Variants in CD163 observed in about 807,000 individuals in gnomAD.
CD163 encodes CD163 molecule, also known as scavenger receptor cysteine-rich type 1 protein M130.
CD163 carries 64 observed loss-of-function variants against 129.2 expected under a neutral mutation model. The observed-to-expected ratio is 0.50, with a 90% CI of 0.41 to 0.61. The LOEUF (loss-of-function observed/expected upper bound fraction) is 0.61. CD163 is among the 20% of genes least tolerant of loss of function. The probability of loss-of-function intolerance (pLI) is 0.00; values close to 1 mark genes in which losing one functional copy is unlikely to be tolerated. For synonymous variants in CD163, 446 were observed against 478.5 expected (o/e 0.93, Z 0.89); for missense variants, 1,061 against 1,377.9 (o/e 0.77, Z 3.64).
intron 3 of CD163, among the ~76,000 whole-genome samples, chr12:7,500,880 C>T (rs1949474961): frequency 6.6e-6 from 1 of 152,072 alleles, no homozygotes; most frequent in Non-Finnish European, 1.5e-5. Flanking sequence ...CAAATTTAAA[C>T]CACCACTTCT....
chr12:7,480,924 C>A (rs1949153630), intron 15 of CD163: 8 of 1,169,412 alleles, frequency 6.8e-6, no homozygotes, highest in Non-Finnish European at 8.5e-6. Flanking sequence ...CTGCATGGTT[C>A]TTTCCATACC....
chr12:7,495,485 G>T (rs1949388175), intron 5 of CD163, 84 bp from the exon 6 acceptor site: 1 of 1,019,678 alleles, frequency 9.8e-7, no homozygotes. Context: ...TTTCTTCTCT[G>T]ATACTGATGC....
At chr12:7,500,899 T>G (rs1949475253) in intron 3 of CD163, among the ~76,000 whole-genome samples, 1 of 152,148 alleles carries the variant, frequency 6.6e-6, no homozygotes, top group African/African-American at 2.4e-5. Context: ...CTTGGCTTTT[T>G]GGCTAAGATC....
intron 12 of CD163, 82 bp downstream of exon 12, chr12:7,483,285 G>A (rs190006448): frequency 2.6e-5 from 34 of 1,316,562 alleles, no homozygotes; most frequent in South Asian, 1.4e-4. Flanking sequence ...TGATAAATCC[G>A]GTTTTTACAC....
At chr12:7,480,641 G>A in intron 15 of CD163, 1 of 155,266 alleles carries the variant, frequency 6.4e-6, no homozygotes. Context: ...ATAACATTGT[G>A]CTGTATGTAG....
intron 13 of CD163, 72 bp downstream of exon 13, chr12:7,482,894 T>G: frequency 2.5e-6 from 4 of 1,592,248 alleles, no homozygotes; most frequent in Non-Finnish European, 3.4e-6. Flanking sequence ...ACGTCTGACC[T>G]AAAATTTCTA....
intron 3 of CD163, among the ~76,000 whole-genome samples, chr12:7,500,421 CAAA>C (rs71953455): frequency 1.1e-4 from 7 of 64,116 alleles, no homozygotes; most frequent in Non-Finnish European, 1.5e-4. Flanking sequence ...CAATTCGTCC[CAAA>C]AAAAAAAAAA....
intron 6 of CD163, among the ~76,000 whole-genome samples, chr12:7,493,814 T>G (rs916545385): frequency 2.6e-5 from 4 of 152,146 alleles, no homozygotes; most frequent in Non-Finnish European, 5.9e-5. Flanking sequence ...AAAGTAACAT[T>G]AATTTTTTAA....
chr12:7,475,398 A>G (rs760813932), intron 16 of CD163, among the ~76,000 whole-genome samples: 2 of 152,314 alleles, frequency 1.3e-5, no homozygotes, highest in South Asian at 4.1e-4. Flanking sequence ...ACCACAATCA[A>G]GTTGGCATCA....
Position 7,487,609 on chromosome 12 carries a change from C to T in CD163, c.1800G>A (p.Thr600=), listed in dbSNP as rs771505797. ...TACAGAGGGATCCCCAGGCACCAAG[C>T]GTTTTGAGCTCCACTCTGCCCTCAC... The part of the protein sequence containing the change: ...TPCEGRVELK[T]LGAWGSLCNS... The change falls in exon 8 of 17, where the codon ACG becomes ACA. Residue 600 remains threonine (T), a synonymous_variant. Transcript: ENST00000432237. The surrounding 1 kb of genome is among the most constrained non-coding windows in gnomAD (Gnocchi z 5.1). The T allele has an allele frequency of 1.2e-5, 19 of 1,613,982 alleles. No homozygotes were observed. The highest frequency in any genetic ancestry group is 3.3e-5 in the Admixed American group (2 of 59,996).
In CD163 at chr12:7,486,557, T is replaced by C. The variant is rs1426590610; in HGVS notation, c.2400A>G (p.Ser800=). 1 of 1,614,254 alleles carries C rather than the reference T, an allele frequency of 6.2e-7. No homozygotes were observed. Among genetic ancestry groups the C allele is most frequent in the Admixed American group, 1.7e-5 (1 of 60,032 alleles). ...GKESRIWQCH[S]HGWGQQNCRH... Reference sequence around the variant, plus strand: ...TGCAATTTTGCTGCCCCCAGCCGTGTGAATGGCACTGCCAAATGCGGGATT... The same window carrying C: ...TGCAATTTTGCTGCCCCCAGCCGTGCGAATGGCACTGCCAAATGCGGGATT... Residue 800 remains serine (S), a synonymous_variant, in exon 10 of 17, where the codon TCA becomes TCG. Coordinates refer to ENST00000432237, the MANE Select transcript of CD163 (RefSeq NM_203416.4).
chr12:7,503,612 A>T lies in CD163; in HGVS notation c.46+33T>A, dbSNP rs542159750. On this transcript the variant is annotated intron_variant, in intron 1 of 16. Coordinates refer to ENST00000432237, the MANE Select transcript of CD163 (RefSeq NM_203416.4). ...TCATAATAATTACATACCCCATTAAAGGGGAAATGTAGAATAAATGAGAAG... is the reference window on the plus strand; with the variant it reads ...TCATAATAATTACATACCCCATTAATGGGGAAATGTAGAATAAATGAGAAG... The T allele has an allele frequency of 1.2e-5, 17 of 1,439,842 alleles. No homozygotes were observed. In the South Asian group the frequency reaches 1.8e-4, roughly 15 times the overall value. The allele number at this position is 1,439,842 out of a possible 1,614,324, so 89.2% of individuals were successfully genotyped here.
intron 14 of CD163, 110 bp from the exon 15 acceptor site, chr12:7,481,366 A>G (rs1949160050): frequency 8.0e-6 from 6 of 751,288 alleles, no homozygotes; most frequent in East Asian, 5.2e-5. Context: ...TATCCCTGCT[A>G]TTGTTTCTAT....
chr12:7,477,135 T>G lies in CD163; in HGVS notation c.*31+2725A>C, dbSNP rs183029480. On this transcript the variant is annotated intron_variant, in intron 16 of 16. Coordinates refer to ENST00000432237, the MANE Select transcript of CD163 (RefSeq NM_203416.4). ...AGAAATAGAAATGCTTTTACAGTGT[T>G]GGTGGGAGTGTAAATTAGTTCAACC... is the stretch of plus-strand genomic sequence containing the variant. Among the ~76,000 whole-genome samples the G allele has an allele frequency of 7.1e-3, 1,081 of 152,346 alleles. 6 individuals carry two copies. Among genetic ancestry groups the G allele is most frequent in the Non-Finnish European group, 1.0e-2 (680 of 68,032 alleles).
intron 16 of CD163, among the ~76,000 whole-genome samples, chr12:7,475,431 A>G (rs184199192): frequency 6.6e-6 from 1 of 152,228 alleles, no homozygotes; most frequent in African/African-American, 2.4e-5. Flanking sequence ...AGGCTGGTTC[A>G]ACATATGTAA....
rs1185059033 is a variant in CD163, at chr12:7,495,381, T to G, written c.1120A>C (p.Arg374=). 14 of 1,613,896 alleles carry G rather than the reference T, an allele frequency of 8.7e-6. No homozygotes were observed. The South Asian group carries it at 1.5e-4, about 18-fold the overall frequency. Residue 374 remains arginine, a synonymous_variant, in exon 6 of 17, where the codon AGA becomes CGA. Transcript: ENST00000432237. ...TCSDGSDLEL[R]LRGGGSRCAG... ...CAGCGGCTGCCTCCACCTCTAAGTC[T>G]TAGCTCCAGATCTGATCCATCTGCA...
intron 6 of CD163, among the ~76,000 whole-genome samples, chr12:7,492,452 G>A (rs1275229283): frequency 6.6e-6 from 1 of 152,126 alleles, no homozygotes; most frequent in Non-Finnish European, 1.5e-5. Flanking sequence ...TGACTCAGGT[G>A]TGAGAGGCTA....
intron 6 of CD163, among the ~76,000 whole-genome samples, chr12:7,494,013 A>G (rs184660065): frequency 6.6e-6 from 1 of 152,222 alleles, no homozygotes; most frequent in East Asian, 1.9e-4. Flanking sequence ...TACTAAGTGA[A>G]TACTTCAGGT....
chr12:7,481,787 T>G (rs1949165703), intron 14 of CD163, among the ~76,000 whole-genome samples: 1 of 152,198 alleles, frequency 6.6e-6, no homozygotes, highest in Non-Finnish European at 1.5e-5. Flanking sequence ...GCCTTTTCTC[T>G]TCTTCAGACT....
Sources: allele counts gnomAD v4.1 joint callset (sites outside exome capture counted in the v4.1 genomes callset), GRCh38; gene constraint gnomAD v4.1.1; non-coding constraint Gnocchi (gnomAD v3.1); transcripts MANE v1.5; gene names NCBI Gene and HGNC (gene_info 2026-07-23, HGNC 2026-07-21).